DLGAP2: variants seen among roughly 807,000 people sequenced by gnomAD.
DLGAP2 encodes DLG associated protein 2.
In DLGAP2, 26 loss-of-function variants were observed where a neutral mutation model predicts 100.3. The ratio of observed to expected loss-of-function variants is 0.26; its 90% CI spans 0.19 to 0.36. DLGAP2 has a LOEUF of 0.36. Ranked by LOEUF, DLGAP2 falls within the 10% of genes least tolerant of loss-of-function variation. The probability of loss-of-function intolerance (pLI) is 1.00; values close to 1 mark genes in which losing one functional copy is unlikely to be tolerated. For synonymous variants in DLGAP2, 886 were observed against 630.1 expected (o/e 1.41, Z -6.08); for missense variants, 1,858 against 1,453.2 (o/e 1.28, Z -4.53).
intron 1 of DLGAP2, among the ~76,000 whole-genome samples, chr8:771,608 G>C (rs971395646): frequency 7.2e-5 from 11 of 152,206 alleles, no homozygotes; most frequent in Non-Finnish European, 7.3e-5. Flanking sequence ...AACCCAGGTG[G>C]TTTAGTTAAG....
At position 1,549,428 on chromosome 8, in the gene DLGAP2, C is replaced by G; in HGVS notation, c.975C>G (p.His325Gln). The G allele has an allele frequency of 6.2e-7, 1 of 1,613,494 alleles. No individual in the cohort carries two copies. The highest frequency in any genetic ancestry group is 8.5e-7 in the Non-Finnish European group (1 of 1,179,800). ...GGCACCACCTGGGCCCCGTGGCCCA[C>G]TGCTACCCCGACGCGCTGCAGAGCC... Reference protein sequence around the residue: ...LNRHHLGPVAHCYPDALQSPF... With the variant: ...LNRHHLGPVAQCYPDALQSPF... Residue 325 changes from histidine (H) to glutamine (Q), a missense_variant, in exon 5 of 15, where the codon CAC (histidine) becomes CAG (glutamine). Coordinates refer to ENST00000637795, the MANE Select transcript of DLGAP2 (RefSeq NM_001346810.2).
At chr8:1,269,296 T>C (rs549513542) in intron 3 of DLGAP2, among the ~76,000 whole-genome samples, 2 of 152,274 alleles carry the variant, frequency 1.3e-5, no homozygotes, top group East Asian at 3.9e-4. Context: ...TGTTCCAGCC[T>C]GGAGCTCCCA....
At chr8:1,085,924 C>A (rs183402617) in intron 2 of DLGAP2, among the ~76,000 whole-genome samples, 1 of 152,102 alleles carries the variant, frequency 6.6e-6, no homozygotes, top group Non-Finnish European at 1.5e-5. Context: ...TTATTTGTAT[C>A]TTCAGTTGTC....
intron 2 of DLGAP2, among the ~76,000 whole-genome samples, chr8:1,254,999 CA>C (rs1172423896): frequency 2.0e-4 from 22 of 112,238 alleles, no homozygotes; most frequent in African/African-American, 1.0e-3. Flanking sequence ...TGTGTCCTCT[CA>C]TCCTGCTTGG....
At chr8:1,328,825 T>G (rs966243782) in intron 3 of DLGAP2, among the ~76,000 whole-genome samples, 3 of 152,224 alleles carry the variant, frequency 2.0e-5, no homozygotes, top group African/African-American at 7.2e-5. Context: ...GAGCTGTGTT[T>G]CTGAGAAAGG....
At position 1,365,527 on chromosome 8, in the gene DLGAP2, C is replaced by T. The variant is rs7826846; in HGVS notation, c.106+106644C>T. 1.4e-3 allele frequency among the ~76,000 whole-genome samples: 207 copies of T among 152,186 alleles called. 1 individual carries two copies. Among genetic ancestry groups the T allele is most frequent in the African/African-American group, 4.8e-3 (199 of 41,522 alleles). ...CCTCCCAGGTCCAGGATGGCAGGTC[C>T]GGCAGAATGTGGATGGCTTCGGGAA... On this transcript the variant is annotated intron_variant, in intron 3 of 14. Coordinates refer to ENST00000637795, the MANE Select transcript of DLGAP2 (RefSeq NM_001346810.2).
At chr8:1,098,894 C>G (rs146506855) in intron 2 of DLGAP2, among the ~76,000 whole-genome samples, 22 of 152,272 alleles carry the variant, frequency 1.4e-4, no homozygotes, top group African/African-American at 5.3e-4. Context: ...CTTTGAACAT[C>G]ACACAAATCA....
At chr8:1,471,748 G>A (rs910182002) in intron 3 of DLGAP2, among the ~76,000 whole-genome samples, 1 of 152,156 alleles carries the variant, frequency 6.6e-6, no homozygotes, top group African/African-American at 2.4e-5. Context: ...ATGCTGTGTA[G>A]GAATTCACCC....
At chr8:1,590,562 G>T (rs959317075) in intron 6 of DLGAP2, among the ~76,000 whole-genome samples, 4 of 152,184 alleles carry the variant, frequency 2.6e-5, no homozygotes, top group African/African-American at 9.7e-5. Context: ...CTTCAAATCA[G>T]TTTAGCGATT....
chr8:964,707 GC>G (rs1799804875), intron 2 of DLGAP2, among the ~76,000 whole-genome samples: 1 of 152,184 alleles, frequency 6.6e-6, no homozygotes, highest in South Asian at 2.1e-4. Context: ...CACCCAAGGG[GC>G]CCAGGCCTTT....
chr8:1,529,428 A>G (rs1800910285), intron 4 of DLGAP2, among the ~76,000 whole-genome samples: 1 of 152,324 alleles, frequency 6.6e-6, no homozygotes, highest in East Asian at 1.9e-4. Context: ...CATGCCACAG[A>G]TTATCTCAGT....
At chr8:769,529 C>T (rs926648706) in intron 1 of DLGAP2, among the ~76,000 whole-genome samples, 26 of 152,240 alleles carry the variant, frequency 1.7e-4, no homozygotes, top group African/African-American at 6.0e-4. Flanking sequence ...TTTAAAAAAT[C>T]ATGAGAAATC....
At chr8:1,081,277 A>C (rs1803799408) in intron 2 of DLGAP2, among the ~76,000 whole-genome samples, 1 of 152,240 alleles carries the variant, frequency 6.6e-6, no homozygotes, top group African/African-American at 2.4e-5. Context: ...TAAAAACTCA[A>C]TAAAAATTCA....
At chr8:1,244,394 C>A (rs1798862504) in intron 2 of DLGAP2, among the ~76,000 whole-genome samples, 1 of 152,286 alleles carries the variant, frequency 6.6e-6, no homozygotes, top group East Asian at 1.9e-4. Flanking sequence ...GGGATATGAG[C>A]TCCTGAGGAG....
intron 2 of DLGAP2, among the ~76,000 whole-genome samples, chr8:1,156,694 T>C (rs1422455125): frequency 2.1e-5 from 3 of 143,942 alleles, no homozygotes; most frequent in African/African-American, 7.9e-5. Context: ...GCACCCCAGC[T>C]CAGCAACCCG....
chr8:953,053 G>A (rs1799517846), intron 2 of DLGAP2, among the ~76,000 whole-genome samples: 1 of 152,184 alleles, frequency 6.6e-6, no homozygotes, highest in East Asian at 1.9e-4. Flanking sequence ...TCTTCAAAAT[G>A]CTGACAGATC....
intron 2 of DLGAP2, among the ~76,000 whole-genome samples, chr8:1,258,011 A>G (rs538499824): frequency 1.8e-4 from 27 of 152,338 alleles, no homozygotes; most frequent in Non-Finnish European, 3.1e-4. Context: ...TGCACTTGCT[A>G]CAGCTTCCTT....
chr8:1,067,231 T>C (rs1203922712), intron 2 of DLGAP2, among the ~76,000 whole-genome samples: 1 of 152,204 alleles, frequency 6.6e-6, no homozygotes, highest in African/African-American at 2.4e-5. Context: ...GACCCCCAGT[T>C]CCTGGGCTTC....
intron 5 of DLGAP2, among the ~76,000 whole-genome samples, chr8:1,558,792 T>C (rs1292987763): frequency 6.9e-6 from 1 of 144,506 alleles, no homozygotes; most frequent in African/African-American, 2.6e-5. Context: ...ATACGCACAT[T>C]ACACATACAC....
Sources: allele counts gnomAD v4.1 joint callset (sites outside exome capture counted in the v4.1 genomes callset), GRCh38; gene constraint gnomAD v4.1.1; transcripts MANE v1.5; gene names NCBI Gene and HGNC (gene_info 2026-07-23, HGNC 2026-07-21).